SPAG16: variants seen among roughly 807,000 people sequenced by gnomAD.
The protein encoded by SPAG16 is sperm associated antigen 16.
Under a neutral mutation model 80.4 loss-of-function variants are expected in SPAG16, and 86 were observed. The ratio of observed to expected loss-of-function variants is 1.07; its 90% CI spans 0.90 to 1.28. The LOEUF (loss-of-function observed/expected upper bound fraction) is 1.28. Among genes scored for constraint, SPAG16 ranks in the 50% most tolerant of loss-of-function variants. The pLI, the probability that SPAG16 is intolerant of heterozygous loss-of-function variation, is 0.00. For synonymous variants in SPAG16, 294 were observed against 265.9 expected (o/e 1.11, Z -1.03); for missense variants, 870 against 765.3 (o/e 1.14, Z -1.61).
intron 9 of SPAG16, among the ~76,000 whole-genome samples, chr2:213,466,280 G>A (rs2072691611): frequency 6.6e-6 from 1 of 152,144 alleles, no homozygotes; most frequent in Non-Finnish European, 1.5e-5. Flanking sequence ...TCCCTCTAGA[G>A]AACCCTGACT....
intron 11 of SPAG16, among the ~76,000 whole-genome samples, chr2:213,870,282 A>G (rs2075896268): frequency 6.6e-6 from 1 of 152,216 alleles, no homozygotes; most frequent in Non-Finnish European, 1.5e-5. Flanking sequence ...TTCTGTTGAA[A>G]TGGGATTATA....
At chr2:214,408,791 C>T (rs1393221380) in intron 15 of SPAG16, among the ~76,000 whole-genome samples, 5 of 152,202 alleles carry the variant, frequency 3.3e-5, no homozygotes, top group Middle Eastern at 3.4e-3. Context: ...GCTCTGGATT[C>T]GAAGTGCTGT....
chr2:214,313,911 A>T (rs1219636347), intron 15 of SPAG16, among the ~76,000 whole-genome samples: 1 of 152,002 alleles, frequency 6.6e-6, no homozygotes, highest in Non-Finnish European at 1.5e-5. Context: ...GCCTGAAATG[A>T]CTCCTAAGTA....
chr2:214,004,596 C>T (rs949931045), intron 12 of SPAG16, among the ~76,000 whole-genome samples: 1 of 152,000 alleles, frequency 6.6e-6, no homozygotes, highest in Admixed American at 6.6e-5. Flanking sequence ...CTAGAGTAGT[C>T]GATTCTTTTG....
intron 15 of SPAG16, among the ~76,000 whole-genome samples, chr2:214,166,141 T>C (rs2056644306): frequency 6.6e-6 from 1 of 152,170 alleles, no homozygotes; most frequent in African/African-American, 2.4e-5. Flanking sequence ...TCATAGTACA[T>C]AGTGAAAACA....
At chr2:213,782,064 A>G (rs909011685) in intron 10 of SPAG16, among the ~76,000 whole-genome samples, 1 of 152,172 alleles carries the variant, frequency 6.6e-6, no homozygotes, top group African/African-American at 2.4e-5. Context: ...TAGCACCTCC[A>G]TTTACATTAG....
In SPAG16 at chr2:214,028,282, A is replaced by C. The variant is rs1462441975; in HGVS notation, c.1527+14205A>C. 5.3e-5 allele frequency among the ~76,000 whole-genome samples: 8 copies of C among 152,060 alleles called. 1 individual carries two copies. Among genetic ancestry groups the C allele is most frequent in the African/African-American group, 1.9e-4 (8 of 41,452 alleles). On this transcript the variant is annotated intron_variant, in intron 13 of 15. Transcript: ENST00000331683. ...AACTAGTCTATTGTACTTCTTAGATAGGCTCATAGAGTTTGAATCACACTG... is the reference window on the plus strand; with the variant it reads ...AACTAGTCTATTGTACTTCTTAGATCGGCTCATAGAGTTTGAATCACACTG...
At chr2:214,113,836 AGTCTTTCT>A (rs2053798005) in intron 14 of SPAG16, among the ~76,000 whole-genome samples, 1 of 152,144 alleles carries the variant, frequency 6.6e-6, no homozygotes, top group East Asian at 1.9e-4. Flanking sequence ...AACTTGTCAA[AGTCTTTCT>A]GCATCCAGCT....
intron 15 of SPAG16, among the ~76,000 whole-genome samples, chr2:214,329,194 G>A (rs1175866516): frequency 6.6e-6 from 1 of 152,206 alleles, no homozygotes; most frequent in Non-Finnish European, 1.5e-5. Context: ...TCTCAAATCA[G>A]CTCTGTGGGG....
intron 10 of SPAG16, among the ~76,000 whole-genome samples, chr2:213,705,273 A>G (rs1170449323): frequency 2.0e-5 from 3 of 148,430 alleles, no homozygotes; most frequent in Admixed American, 1.3e-4. Context: ...AGAGAGAGAG[A>G]GGGAGGGAGG....
At chr2:213,471,993 C>T (rs191349677) in intron 9 of SPAG16, among the ~76,000 whole-genome samples, 1 of 152,178 alleles carries the variant, frequency 6.6e-6, no homozygotes, top group Non-Finnish European at 1.5e-5. Flanking sequence ...TATTTTCCAT[C>T]TTCTGGCATG....
Position 213,768,556 on chromosome 2 carries a change from G to T in SPAG16, c.1071-93929G>T, listed in dbSNP as rs187109418. Among the ~76,000 whole-genome samples, 17 of 152,288 alleles carry T rather than the reference G, an allele frequency of 1.1e-4. No individual in the cohort carries two copies. The East Asian group carries it at 1.9e-3, about 17-fold the overall frequency. On this transcript the variant is annotated intron_variant, in intron 10 of 15. Transcript: ENST00000331683. ...TGACTGGGTATGGAAGGTGTGGAAAGAGATCTAAATTTTGAATTTGGACAA... is the reference window on the plus strand; with the variant it reads ...TGACTGGGTATGGAAGGTGTGGAAATAGATCTAAATTTTGAATTTGGACAA...
At chr2:213,788,301 A>G (rs1399851169) in intron 10 of SPAG16, among the ~76,000 whole-genome samples, 1 of 151,968 alleles carries the variant, frequency 6.6e-6, no homozygotes, top group East Asian at 1.9e-4. Context: ...ATAATAACCT[A>G]TAAAAAGGAA....
intron 10 of SPAG16, among the ~76,000 whole-genome samples, chr2:213,777,458 G>A (rs968466339): frequency 1.3e-5 from 2 of 151,656 alleles, no homozygotes; most frequent in Non-Finnish European, 2.9e-5. Context: ...CCAGGCTGGA[G>A]TGCAGTGGCG....
chr2:213,791,549 G>A (rs781200760), intron 10 of SPAG16, among the ~76,000 whole-genome samples: 6 of 152,134 alleles, frequency 3.9e-5, no homozygotes, highest in Admixed American at 2.6e-4. Context: ...AAAGGGATTA[G>A]ACTAGTGTTC....
chr2:213,724,767 ACT>A (rs1323261410), intron 10 of SPAG16, among the ~76,000 whole-genome samples: 1 of 110,018 alleles, frequency 9.1e-6, no homozygotes. Context: ...ACAGAGTGAG[ACT>A]CTGTCTCAAA....
intron 6 of SPAG16, among the ~76,000 whole-genome samples, chr2:213,342,918 A>G (rs144182556): frequency 6.6e-6 from 1 of 152,060 alleles, no homozygotes; most frequent in African/African-American, 2.4e-5. Context: ...TTGACCAGAT[A>G]TAACCCAAGC....
At chr2:214,286,346 T>C (rs1693361120) in intron 15 of SPAG16, among the ~76,000 whole-genome samples, 1 of 152,144 alleles carries the variant, frequency 6.6e-6, no homozygotes, top group Admixed American at 6.6e-5. Flanking sequence ...ACACAAAGAA[T>C]CTTCAGGGAT....
chr2:213,349,316 A>C (rs1320057255), intron 6 of SPAG16, among the ~76,000 whole-genome samples: 1 of 152,214 alleles, frequency 6.6e-6, no homozygotes, highest in African/African-American at 2.4e-5. Flanking sequence ...GAAATGAAAA[A>C]TAAGAGCTGA....
Sources: allele counts gnomAD v4.1 joint callset (sites outside exome capture counted in the v4.1 genomes callset), GRCh38; gene constraint gnomAD v4.1.1; transcripts MANE v1.5; gene names NCBI Gene and HGNC (gene_info 2026-07-23, HGNC 2026-07-21).